DTD1: variants seen among roughly 807,000 people sequenced by gnomAD.
DTD1 encodes the protein D-tyrosyl-tRNA deacylase 1 homolog.
Under a neutral mutation model 25.6 loss-of-function variants are expected in DTD1, and 13 were observed. The ratio of observed to expected loss-of-function variants is 0.51; its 90% CI spans 0.33 to 0.81. The LOEUF is 0.81. Ranked by LOEUF, DTD1 falls within the 30% of genes least tolerant of loss-of-function variation. The pLI is 0.02. For synonymous variants in DTD1, 110 were observed against 103.6 expected, an observed-to-expected ratio of 1.06 and a Z score of -0.37; for missense variants, 193 against 266.4, an observed-to-expected ratio of 0.72 and a Z score of 1.92.
chr20:18,664,544 G>A lies in DTD1; in HGVS notation c.477+36311G>A, dbSNP rs1222326380. ...GGATTCAAGATTCTGCGGTGATGCTGTCCTGAATCCATGAGCAGATCTGTG... is the reference window on the plus strand; with the variant it reads ...GGATTCAAGATTCTGCGGTGATGCTATCCTGAATCCATGAGCAGATCTGTG... On this transcript the variant is annotated intron_variant, in intron 4 of 5. Transcript: ENST00000377452. Among the ~76,000 whole-genome samples, 5 of 152,274 alleles carry A rather than the reference G, an allele frequency of 3.3e-5. No homozygotes were observed. In the South Asian group the frequency reaches 6.2e-4, roughly 19 times the overall value.
intron 4 of DTD1, among the ~76,000 whole-genome samples, chr20:18,738,732 G>T (rs2061266288): frequency 1.3e-5 from 2 of 152,190 alleles, no homozygotes. Context: ...TCTGAAGTAG[G>T]AGACTCCTGC....
At chr20:18,732,242 C>T (rs983905658) in intron 4 of DTD1, among the ~76,000 whole-genome samples, 1 of 152,210 alleles carries the variant, frequency 6.6e-6, no homozygotes, top group Non-Finnish European at 1.5e-5. Context: ...ACTTAAAGAA[C>T]ACTGTTAGTT....
intron 4 of DTD1, among the ~76,000 whole-genome samples, chr20:18,639,072 A>G (rs1382449022): frequency 2.6e-5 from 4 of 151,798 alleles, no homozygotes; most frequent in Non-Finnish European, 2.9e-5. Flanking sequence ...TTCTATGATG[A>G]CATCAGACAT....
chr20:18,693,144 C>T (rs1056721641), intron 4 of DTD1, among the ~76,000 whole-genome samples: 4 of 152,092 alleles, frequency 2.6e-5, no homozygotes, highest in African/African-American at 7.2e-5. Context: ...CCACCCGCCT[C>T]GGCTTCCCAA....
intron 4 of DTD1, among the ~76,000 whole-genome samples, chr20:18,657,806 C>T (rs766521855): frequency 2.0e-4 from 30 of 152,202 alleles, no homozygotes; most frequent in African/African-American, 6.5e-4. Context: ...TTCTTCTCCA[C>T]GTGGGCCTCC....
At chr20:18,727,385 G>A (rs1488662796) in intron 4 of DTD1, among the ~76,000 whole-genome samples, 3 of 152,082 alleles carry the variant, frequency 2.0e-5, no homozygotes, top group Non-Finnish European at 4.4e-5. Context: ...ATTCCTGGAG[G>A]GTAAAGTGCA....
At chr20:18,622,422 T>TA (rs1271132596) in intron 3 of DTD1, among the ~76,000 whole-genome samples, 2 of 152,222 alleles carry the variant, frequency 1.3e-5, no homozygotes, top group Non-Finnish European at 2.9e-5. Context: ...ATAGTCTTCT[T>TA]AAAGAAGCAG....
At chr20:18,709,349 T>A (rs768551329) in intron 4 of DTD1, among the ~76,000 whole-genome samples, 1 of 152,210 alleles carries the variant, frequency 6.6e-6, no homozygotes, top group African/African-American at 2.4e-5. Flanking sequence ...CAGCTTCTCT[T>A]CCTCTTCATC....
chr20:18,650,799 TAGTA>T (rs1555798303), intron 4 of DTD1, among the ~76,000 whole-genome samples: 2 of 152,160 alleles, frequency 1.3e-5, no homozygotes, highest in Non-Finnish European at 2.9e-5. Context: ...TCTCAGCAGG[TAGTA>T]ATTGGGCAAC....
intron 4 of DTD1, among the ~76,000 whole-genome samples, chr20:18,696,031 T>A (rs1395270492): frequency 6.6e-6 from 1 of 152,116 alleles, no homozygotes; most frequent in Non-Finnish European, 1.5e-5. Flanking sequence ...GTGACAATTA[T>A]AATAGTCTTG....
chr20:18,750,370 C>T (rs940395570), intron 5 of DTD1, among the ~76,000 whole-genome samples: 2 of 152,190 alleles, frequency 1.3e-5, no homozygotes, highest in African/African-American at 4.8e-5. Context: ...ACAACAGCAG[C>T]CCCCTCACTA....
chr20:18,646,070 C>G (rs1048178828), intron 4 of DTD1, among the ~76,000 whole-genome samples: 1 of 152,210 alleles, frequency 6.6e-6, no homozygotes, highest in African/African-American at 2.4e-5. Flanking sequence ...GTCTACCTCA[C>G]ATTTGTGTCC....
intron 4 of DTD1, among the ~76,000 whole-genome samples, chr20:18,713,091 T>C (rs4814780): frequency 0.83 from 126,520 of 152,328 alleles, 53,662 homozygotes; most frequent in Non-Finnish European, 0.93. Context: ...GGGCTCACCA[T>C]AGCCTCTGCT....
intron 4 of DTD1, among the ~76,000 whole-genome samples, chr20:18,693,330 T>A (rs752403540): frequency 8.5e-5 from 13 of 152,160 alleles, no homozygotes; most frequent in Non-Finnish European, 1.5e-4. Context: ...TGAATAACAT[T>A]GTTTGTTGTT....
At chr20:18,647,333 T>G (rs891539806) in intron 4 of DTD1, among the ~76,000 whole-genome samples, 1 of 152,172 alleles carries the variant, frequency 6.6e-6, no homozygotes, top group East Asian at 1.9e-4. Flanking sequence ...ATGGTTTTTT[T>G]CTTCAAGAGC....
chr20:18,660,531 G>A (rs1436729084), intron 4 of DTD1, among the ~76,000 whole-genome samples: 3 of 151,966 alleles, frequency 2.0e-5, no homozygotes, highest in South Asian at 4.1e-4. Context: ...CAAAAAAGAA[G>A]CTTTTATTTA....
At chr20:18,724,746 C>A (rs188667364) in intron 4 of DTD1, among the ~76,000 whole-genome samples, 4 of 152,294 alleles carry the variant, frequency 2.6e-5, no homozygotes, top group African/African-American at 9.6e-5. Context: ...GCCTTCCCTC[C>A]CCTGGAAAGA....
At chr20:18,643,618 C>T (rs551828482) in intron 4 of DTD1, 2 of 153,964 alleles carry the variant, frequency 1.3e-5, no homozygotes, top group African/African-American at 4.8e-5. Context: ...GAGTTGTCTT[C>T]AGCCATGCTG....
intron 4 of DTD1, among the ~76,000 whole-genome samples, chr20:18,690,855 G>C (rs1399688458): frequency 6.6e-6 from 1 of 152,100 alleles, no homozygotes; most frequent in African/African-American, 2.4e-5. Flanking sequence ...TAAATTTTAG[G>C]ATAGTTTTTT....
Sources: gnomAD v4.1 joint callset for allele counts (sites outside exome capture counted in the v4.1 genomes callset) on GRCh38, gnomAD v4.1.1 for gene constraint, MANE v1.5 for transcripts, NCBI Gene and HGNC (gene_info 2026-07-23, HGNC 2026-07-21) for gene names.